THADA: variants seen among roughly 807,000 people sequenced by gnomAD.
THADA encodes the protein tRNA (32-2'-O)-methyltransferase regulator THADA.
Under a neutral mutation model 219.8 loss-of-function variants are expected in THADA, and 213 were observed. The observed-to-expected ratio is 0.97, with a 90% CI of 0.87 to 1.09. THADA has a LOEUF of 1.09. THADA is among the 50% of genes least tolerant of loss of function. THADA has a pLI of 0.00. For synonymous variants in THADA, 1,018 were observed against 828.9 expected (o/e 1.23, Z -3.92); for missense variants, 2,956 against 2,311.3 (o/e 1.28, Z -5.72).
intron 26 of THADA, among the ~76,000 whole-genome samples, chr2:43,432,562 A>G (rs2104829722): frequency 1.3e-5 from 2 of 152,298 alleles, no homozygotes; most frequent in Middle Eastern, 6.8e-3. Context: ...ATCCGAGAAT[A>G]AAACTGTAAC....
At chr2:43,289,580 T>G (rs1394125276) in intron 34 of THADA, among the ~76,000 whole-genome samples, 2 of 152,282 alleles carry the variant, frequency 1.3e-5, no homozygotes, top group African/African-American at 4.8e-5. Flanking sequence ...CAGCTTTAGA[T>G]AAGAATAATG....
chr2:43,284,216 G>A (rs1283871788), intron 35 of THADA, among the ~76,000 whole-genome samples: 4 of 152,184 alleles, frequency 2.6e-5, no homozygotes, highest in Non-Finnish European at 1.5e-5. Context: ...CAGCCAAGAT[G>A]ATGGGGAAAA....
At chr2:43,419,441 C>T (rs1048836930) in intron 28 of THADA, among the ~76,000 whole-genome samples, 3 of 152,118 alleles carry the variant, frequency 2.0e-5, no homozygotes, top group Non-Finnish European at 4.4e-5. Context: ...ACGGTGGGGG[C>T]CAAGGCCCAG....
chr2:43,453,249 G>C (rs1682579159), intron 26 of THADA, among the ~76,000 whole-genome samples: 1 of 152,196 alleles, frequency 6.6e-6, no homozygotes, highest in Non-Finnish European at 1.5e-5. Context: ...CTCAGCTGCA[G>C]AAGTATGGAA....
intron 31 of THADA, among the ~76,000 whole-genome samples, chr2:43,297,797 C>A (rs1675705824): frequency 8.2e-6 from 1 of 122,186 alleles, no homozygotes; most frequent in Non-Finnish European, 1.7e-5. Flanking sequence ...CCCGCCCGGC[C>A]AGCCGCCCCG....
chr2:43,323,168 G>T (rs1678944687), intron 30 of THADA, among the ~76,000 whole-genome samples: 1 of 151,894 alleles, frequency 6.6e-6, no homozygotes, highest in Non-Finnish European at 1.5e-5. Context: ...CTGAGACAGG[G>T]TCTTTCTCTG....
chr2:43,446,346 A>C (rs1681549750), intron 26 of THADA, among the ~76,000 whole-genome samples: 1 of 152,146 alleles, frequency 6.6e-6, no homozygotes, highest in African/African-American at 2.4e-5. Flanking sequence ...ATGCCTCATG[A>C]CTTGCTTTGA....
At chr2:43,514,568 TA>T (rs1469668316) in intron 22 of THADA, among the ~76,000 whole-genome samples, 1 of 113,046 alleles carries the variant, frequency 8.8e-6, no homozygotes, top group East Asian at 2.1e-4. Flanking sequence ...ATAATATACA[TA>T]ACATATATGT....
chr2:43,501,456 C>T (rs189744030), intron 24 of THADA, among the ~76,000 whole-genome samples: 8 of 151,426 alleles, frequency 5.3e-5, no homozygotes, highest in Non-Finnish European at 8.8e-5. Context: ...TAATTTTTCC[C>T]AAATAAATCA....
rs764835676 is a variant in THADA, at chr2:43,344,167, G to C, written c.4298C>G (p.Thr1433Ser). The change falls in exon 30 of 38, where the codon ACT becomes AGT. Residue 1433 changes from threonine to serine, a missense_variant. Coordinates refer to ENST00000405975, the MANE Select transcript of THADA (RefSeq NM_022065.5). ...GTNSDFQHELTDITVCTKAKL... is the reference protein window; with the variant it reads ...GTNSDFQHELSDITVCTKAKL... ...GGCTTTGGTACAAACAGTGATGTCA[G>C]TCAGCTCGTGCTGGAAGTCTGAATT... 4 of 1,612,532 alleles carry C rather than the reference G, an allele frequency of 2.5e-6. No homozygotes were observed. In the South Asian group the frequency reaches 4.4e-5, roughly 18 times the overall value.
chr2:43,493,675 AT>A (rs1274134223), intron 25 of THADA, among the ~76,000 whole-genome samples: 4 of 152,274 alleles, frequency 2.6e-5, no homozygotes, highest in Admixed American at 6.5e-5. Flanking sequence ...GATGAGTGAT[AT>A]TTTTAAACAA....
In THADA at chr2:43,566,807, G is replaced by A; in HGVS notation, c.2202C>T (p.Ser734=). The change falls in exon 15 of 38, where the codon TCC becomes TCT. Residue 734 remains serine, a synonymous_variant. Transcript: ENST00000405975. ...SLQQYKNFMS[S]ICNSLFEALF... is the part of the protein sequence containing the mutation. Reference sequence around the variant, plus strand: ...ATGCTTCAAAAAGACTGTTACAAATGGATGACATGAAATTCTTAAAAAAAA... The same window carrying A: ...ATGCTTCAAAAAGACTGTTACAAATAGATGACATGAAATTCTTAAAAAAAA... 6.9e-7 allele frequency: 1 copy of A among 1,452,694 alleles called. No individual in the cohort carries two copies. The allele number at this position is 1,452,694 out of a possible 1,614,324, so 90.0% of individuals were successfully genotyped here.
At chr2:43,537,321 A>C (rs1574138878) in intron 21 of THADA, among the ~76,000 whole-genome samples, 1 of 152,120 alleles carries the variant, frequency 6.6e-6, no homozygotes, top group Non-Finnish European at 1.5e-5. Context: ...CCTCTATTGT[A>C]TTTCTAAGCC....
intron 35 of THADA, among the ~76,000 whole-genome samples, chr2:43,286,367 T>G (rs1167692039): frequency 1.3e-5 from 2 of 152,164 alleles, no homozygotes; most frequent in Non-Finnish European, 2.9e-5. Flanking sequence ...GGACTGAAAT[T>G]ATCAGACTTG....
At chr2:43,555,528 A>G (rs1697241583) in intron 17 of THADA, among the ~76,000 whole-genome samples, 1 of 152,064 alleles carries the variant, frequency 6.6e-6, no homozygotes, top group Non-Finnish European at 1.5e-5. Context: ...ATTCACCTCA[A>G]TTGCAGTCCT....
At chr2:43,364,559 C>A (rs1669910519) in intron 29 of THADA, among the ~76,000 whole-genome samples, 1 of 152,206 alleles carries the variant, frequency 6.6e-6, no homozygotes, top group South Asian at 2.1e-4. Context: ...AAATGGCTCA[C>A]AATGGAGAAT....
intron 30 of THADA, among the ~76,000 whole-genome samples, chr2:43,332,905 T>TA (rs781332079): frequency 7.9e-5 from 12 of 152,322 alleles, no homozygotes; most frequent in Non-Finnish European, 1.6e-4. Context: ...TGCAGTTGCG[T>TA]AAAAGGACTA....
intron 26 of THADA, among the ~76,000 whole-genome samples, chr2:43,444,321 G>A (rs1475253817): frequency 6.6e-6 from 1 of 152,140 alleles, no homozygotes; most frequent in Admixed American, 6.5e-5. Flanking sequence ...TGCCTCTCCT[G>A]TGTGTGAACA....
At chr2:43,502,893 A>G (rs1385314174) in intron 24 of THADA, among the ~76,000 whole-genome samples, 1 of 152,178 alleles carries the variant, frequency 6.6e-6, no homozygotes, top group Non-Finnish European at 1.5e-5. Flanking sequence ...ATGAAGGGAC[A>G]AATAACCAAT....
Sources: allele counts gnomAD v4.1 joint callset (sites outside exome capture counted in the v4.1 genomes callset), GRCh38; gene constraint gnomAD v4.1.1; transcripts MANE v1.5; gene names NCBI Gene and HGNC (gene_info 2026-07-23, HGNC 2026-07-21).